PPP2R2D: variants seen among roughly 807,000 people sequenced by gnomAD.
PPP2R2D encodes serine/threonine-protein phosphatase 2A 55 kDa regulatory subunit B delta isoform.
A neutral mutation model predicts 31.1 loss-of-function variants in PPP2R2D; 9 were observed. The observed-to-expected ratio is 0.29, with a 90% CI of 0.17 to 0.51. The LOEUF (loss-of-function observed/expected upper bound fraction) is 0.51, where lower values mean the gene tolerates loss of function less well. PPP2R2D is among the 20% of genes least tolerant of loss of function. PPP2R2D has a pLI of 0.98. For missense variants in PPP2R2D, 391 were observed against 465.6 expected (o/e 0.84, Z 1.48); for synonymous variants, 179 against 172.6 (o/e 1.04, Z -0.29).
chr10:131,910,186 C>T (rs905960523), intron 2 of PPP2R2D, among the ~76,000 whole-genome samples: 2 of 152,190 alleles, frequency 1.3e-5, no homozygotes, highest in Non-Finnish European at 2.9e-5. Context: ...TACTCTCTTC[C>T]GTCAGAACCC....
rs1589966925 is a variant in PPP2R2D, at chr10:131,956,512, A to G, written c.*549A>G. On this transcript the variant is annotated 3_prime_UTR_variant, in exon 9 of 9. Transcript: ENST00000455566. ...GCCACCCCTTCGGGTGTGAGCGCTC[A>G]ATAAAAACAACACACTATAAAGTGT... 3.0e-6 allele frequency: 3 copies of G among 985,532 alleles called. No individual in the cohort carries two copies. The highest frequency in any genetic ancestry group is 4.7e-5 in the South Asian group (1 of 21,286). 61.0% of individuals were successfully genotyped at this position (985,532 alleles called of 1,614,324 possible). A position where few individuals can be genotyped will look rare whatever the true frequency, so the allele number is the denominator to read the frequency against.
Position 131,940,028 on chromosome 10 carries a change from C to T in PPP2R2D, c.199-3C>T, listed in dbSNP as rs2036414385. On this transcript the variant is annotated splice_region_variant and splice_polypyrimidine_tract_variant and intron_variant, in intron 3 of 8. Transcript: ENST00000455566. Reference sequence around the variant, plus strand: ...TTAAAACAGCTCTCATGTTTCCTTGCAGAATAAAAGCCGCCCTCATTCTAG... The same window carrying T: ...TTAAAACAGCTCTCATGTTTCCTTGTAGAATAAAAGCCGCCCTCATTCTAG... The T allele has an allele frequency of 1.7e-5, 12 of 720,454 alleles. No individual in the cohort carries two copies. The East Asian group carries it at 3.0e-4, about 18-fold the overall frequency. The allele number at this position is 720,454 out of a possible 1,614,324, so 44.6% of individuals were successfully genotyped here.
At chr10:131,964,281 C>T (rs1042194651), downstream of PPP2R2D, among the ~76,000 whole-genome samples, 4 of 151,976 alleles carry the variant, frequency 2.6e-5, no homozygotes, top group Non-Finnish European at 4.4e-5. Context: ...CTTTAGTTTC[C>T]GTCGACGAAT....
At chr10:131,925,298 T>C (rs1450695428) in intron 2 of PPP2R2D, among the ~76,000 whole-genome samples, 2 of 152,252 alleles carry the variant, frequency 1.3e-5, no homozygotes, top group Non-Finnish European at 2.9e-5. Flanking sequence ...AGGTACTCTT[T>C]GTCAAGTTGA....
rs531457720 is a variant in PPP2R2D, at chr10:131,922,689, G to A, written c.101-11769G>A. 3.3e-5 allele frequency among the ~76,000 whole-genome samples: 5 copies of A among 151,984 alleles called. No individual in the cohort carries two copies. In the South Asian group the frequency reaches 1.0e-3, roughly 32 times the overall value. On this transcript the variant is annotated intron_variant, in intron 2 of 8. Transcript: ENST00000455566. ...TCTTGAACTCCTGACCTCGTGATCC[G>A]CCTGCCTCGGCCTCTCAAAGTGCTG...
At chr10:131,939,868 CT>C (rs79311795) in intron 3 of PPP2R2D, 162 bp from the exon 4 acceptor site, 109,847 of 325,716 alleles carry the variant, frequency 0.34, 5,767 homozygotes, top group East Asian at 0.43. Flanking sequence ...CAAGTTCGTT[CT>C]TTTTTTTTTT....
At chr10:131,970,301 G>A in the PPP2R2D span, 8 of 286,996 alleles carry the variant, frequency 2.8e-5, no homozygotes, top group South Asian at 5.9e-5. The surrounding 1 kb of genome is among the most constrained non-coding windows in gnomAD (Gnocchi z 4.1). Flanking sequence ...GTGCATTCCC[G>A]CCACAGTACT....
At chr10:131,923,566 A>G (rs1554894535) in intron 2 of PPP2R2D, among the ~76,000 whole-genome samples, 1 of 152,164 alleles carries the variant, frequency 6.6e-6, no homozygotes, top group African/African-American at 2.4e-5. Flanking sequence ...TCCCGCCGTC[A>G]ATGTATGAAC....
At chr10:131,970,761 C>T in the PPP2R2D span, 4 of 1,614,174 alleles carry the variant, frequency 2.5e-6, no homozygotes, top group East Asian at 2.2e-5. The surrounding 1 kb of genome is among the most constrained non-coding windows in gnomAD (Gnocchi z 4.1). Flanking sequence ...GGTGGCCGTG[C>T]GCTTCGGGTG....
chr10:131,930,142 T>C (rs2036193033), intron 2 of PPP2R2D, among the ~76,000 whole-genome samples: 1 of 152,262 alleles, frequency 6.6e-6, no homozygotes, highest in Non-Finnish European at 1.5e-5. Context: ...GTGCCTTTTC[T>C]TTTTCACACA....
downstream of PPP2R2D, among the ~76,000 whole-genome samples, chr10:131,960,662 T>C (rs1252160470): frequency 6.6e-6 from 1 of 152,188 alleles, no homozygotes; most frequent in Non-Finnish European, 1.5e-5. Flanking sequence ...TGGATCCGCC[T>C]GGCCCGGCTG....
At chr10:131,908,174 C>G (rs2035627835) in intron 2 of PPP2R2D, among the ~76,000 whole-genome samples, 1 of 152,186 alleles carries the variant, frequency 6.6e-6, no homozygotes, top group African/African-American at 2.4e-5. Context: ...TTTTTCCTTA[C>G]CTGCTTCATG....
At chr10:131,931,206 C>T (rs1411533146) in intron 2 of PPP2R2D, among the ~76,000 whole-genome samples, 7 of 152,188 alleles carry the variant, frequency 4.6e-5, no homozygotes, top group African/African-American at 1.4e-4. Flanking sequence ...AGGGCTTGTG[C>T]GTGGTTAGGA....
downstream of PPP2R2D, among the ~76,000 whole-genome samples, chr10:131,963,404 T>C (rs2036946299): frequency 6.6e-6 from 1 of 152,244 alleles, no homozygotes; most frequent in African/African-American, 2.4e-5. Flanking sequence ...TCTGGCCCCC[T>C]GGATCATTTT....
chr10:131,941,514 AAACCGTTGGTTGTT>A (rs1554897236), intron 5 of PPP2R2D, among the ~76,000 whole-genome samples: 1 of 151,838 alleles, frequency 6.6e-6, no homozygotes, highest in Admixed American at 6.6e-5. Context: ...CTAGATTGGA[AAACCGTTGGTTGTT>A]TGGGTGGTTG....
chr10:131,941,398 G>A lies in PPP2R2D; in HGVS notation c.477+704G>A, dbSNP rs539450878. ...AGATGGAACATGGTGAAGGGTGTCC[G>A]GCAAACTGGGCTCGAGCCCAGGTGT... On this transcript the variant is annotated intron_variant, in intron 5 of 8. Transcript: ENST00000455566. Among the ~76,000 whole-genome samples the A allele has an allele frequency of 2.3e-3, 345 of 152,252 alleles. 2 individuals are homozygous for A. Among genetic ancestry groups the A allele is most frequent in the African/African-American group, 7.9e-3 (330 of 41,546 alleles).
chr10:131,919,732 G>A (rs1225967294), intron 2 of PPP2R2D, among the ~76,000 whole-genome samples: 1 of 128,054 alleles, frequency 7.8e-6, no homozygotes, highest in African/African-American at 3.0e-5. Context: ...CACAGTGTTC[G>A]TAGGGACCTC....
chr10:131,903,162 T>C (rs2035528676), intron 2 of PPP2R2D, among the ~76,000 whole-genome samples: 1 of 152,178 alleles, frequency 6.6e-6, no homozygotes, highest in African/African-American at 2.4e-5. Flanking sequence ...GAAAATAGTA[T>C]TCTTTCTTTA....
chr10:131,943,224 G>A (rs2036472633), intron 5 of PPP2R2D, among the ~76,000 whole-genome samples: 1 of 152,084 alleles, frequency 6.6e-6, no homozygotes, highest in Non-Finnish European at 1.5e-5. Flanking sequence ...ACTCCTCTCT[G>A]TCCTTTCTAT....
Sources: allele counts gnomAD v4.1 joint callset (sites outside exome capture counted in the v4.1 genomes callset), GRCh38; gene constraint gnomAD v4.1.1; non-coding constraint Gnocchi (gnomAD v3.1); transcripts MANE v1.5; gene names NCBI Gene and HGNC (gene_info 2026-07-23, HGNC 2026-07-21).